The following SPPL3 variants were observed in gnomAD, a reference collection of about 807,000 sequenced individuals.
SPPL3 encodes the protein signal peptide peptidase like 3.
In SPPL3, 5 loss-of-function variants were observed where a neutral mutation model predicts 42.4. The observed-to-expected ratio is 0.12, with a 90% CI of 0.06 to 0.25. The LOEUF is 0.25. SPPL3 is among the 10% of genes least tolerant of loss of function. The pLI, the probability that SPPL3 is intolerant of heterozygous loss-of-function variation, is 1.00. For missense variants in SPPL3, 235 were observed against 489.0 expected, an observed-to-expected ratio of 0.48 and a Z score of 4.90; for synonymous variants, 195 against 181.8, an observed-to-expected ratio of 1.07 and a Z score of -0.58.
In SPPL3 at chr12:120,837,071, G is replaced by A. The variant is rs187818682; in HGVS notation, c.24-26185C>T. 5.5e-4 allele frequency among the ~76,000 whole-genome samples: 84 copies of A among 152,160 alleles called. No homozygotes were observed. In the Middle Eastern group the frequency reaches 0.014, roughly 25 times the overall value. ...GTGACATTAAGCTACTAGGTTTTGCGGTAGTCTGTTTTACAGCAATAGATA... is the reference window on the plus strand; with the variant it reads ...GTGACATTAAGCTACTAGGTTTTGCAGTAGTCTGTTTTACAGCAATAGATA... On this transcript the variant is annotated intron_variant, in intron 1 of 10. Transcript: ENST00000353487.
At chr12:120,797,373 C>T (rs1044630213) in intron 2 of SPPL3, among the ~76,000 whole-genome samples, 2 of 152,142 alleles carry the variant, frequency 1.3e-5, no homozygotes, top group Non-Finnish European at 2.9e-5. Flanking sequence ...TGAGTGGAAA[C>T]TATCTTAAGA....
intron 1 of SPPL3, among the ~76,000 whole-genome samples, chr12:120,843,994 A>G (rs1044710216): frequency 6.6e-6 from 1 of 152,152 alleles, no homozygotes; most frequent in Non-Finnish European, 1.5e-5. Context: ...AAAACAAAAC[A>G]AAACAAAACA....
intron 1 of SPPL3, among the ~76,000 whole-genome samples, chr12:120,844,776 A>T (rs591845): frequency 0.96 from 145,749 of 151,412 alleles, 70,403 homozygotes; most frequent in East Asian, 1. Context: ...CATGCCCAGC[A>T]CTCCCAACAC....
At chr12:120,874,512 A>C (rs534475410) in intron 1 of SPPL3, among the ~76,000 whole-genome samples, 28 of 152,256 alleles carry the variant, frequency 1.8e-4, no homozygotes, top group Admixed American at 7.9e-4. Context: ...GACATGTTTA[A>C]AACAAAAATA....
chr12:120,775,215 A>G (rs1010876594), intron 6 of SPPL3, among the ~76,000 whole-genome samples: 1 of 152,114 alleles, frequency 6.6e-6, no homozygotes, highest in Non-Finnish European at 1.5e-5. Flanking sequence ...CAGTGGTGCA[A>G]TCTCAGCTCA....
At chr12:120,880,866 C>A (rs1873257094) in intron 1 of SPPL3, among the ~76,000 whole-genome samples, 1 of 150,998 alleles carries the variant, frequency 6.6e-6, no homozygotes, top group Admixed American at 6.6e-5. Context: ...TACAGCTCAA[C>A]AACAATCAAC....
intron 1 of SPPL3, among the ~76,000 whole-genome samples, chr12:120,873,127 C>T (rs1237245501): frequency 6.6e-6 from 1 of 152,130 alleles, no homozygotes; most frequent in Non-Finnish European, 1.5e-5. Context: ...GTTTTTCTGA[C>T]CCAAATGGAA....
chr12:120,825,967 G>A (rs1003310025), intron 1 of SPPL3, among the ~76,000 whole-genome samples: 4 of 152,154 alleles, frequency 2.6e-5, no homozygotes, highest in Non-Finnish European at 2.9e-5. Flanking sequence ...TCTATCTCTG[G>A]TGACACACTC....
At chr12:120,796,145 G>A (rs904042496) in intron 2 of SPPL3, among the ~76,000 whole-genome samples, 1 of 152,184 alleles carries the variant, frequency 6.6e-6, no homozygotes, top group Non-Finnish European at 1.5e-5. Flanking sequence ...GGAGGCTAAG[G>A]TGGGTGGATC....
chr12:120,797,167 A>T (rs1870126490), intron 2 of SPPL3, among the ~76,000 whole-genome samples: 1 of 152,182 alleles, frequency 6.6e-6, no homozygotes, highest in Non-Finnish European at 1.5e-5. Flanking sequence ...ACTCCAACTC[A>T]AAACAAACAA....
intron 1 of SPPL3, among the ~76,000 whole-genome samples, chr12:120,839,223 T>C (rs559877619): frequency 6.0e-5 from 9 of 151,106 alleles, no homozygotes; most frequent in East Asian, 5.9e-4. Context: ...ATGGATGAAA[T>C]TGGAAATCAT....
chr12:120,774,624 T>A (rs1333953130), intron 6 of SPPL3, among the ~76,000 whole-genome samples: 3 of 152,082 alleles, frequency 2.0e-5, no homozygotes, highest in African/African-American at 7.2e-5. Flanking sequence ...GAGAAGGCTC[T>A]TAGAGGCATG....
rs536806023 is a variant in SPPL3 at position 120,829,764 on chromosome 12, G to A, written c.24-18878C>T. Among the ~76,000 whole-genome samples the A allele has an allele frequency of 2.6e-5, 4 of 152,218 alleles. No homozygotes were observed. The East Asian group carries it at 7.8e-4, about 29-fold the overall frequency. On this transcript the variant is annotated intron_variant, in intron 1 of 10. Transcript: ENST00000353487. ...AATCCCAGTACTTTGGGAGGCCGAG[G>A]TGGGCGGATCACCTGTGGACGGGAG...
Position 120,803,285 on chromosome 12 carries a change from C to A in SPPL3, c.101+7524G>T, listed in dbSNP as rs536822185. Among the ~76,000 whole-genome samples, 121 of 152,210 alleles carry A rather than the reference C, an allele frequency of 7.9e-4. 1 individual carries two copies. The highest frequency in any genetic ancestry group is 2.8e-3 in the African/African-American group (117 of 41,518). Reference sequence around the variant, plus strand: ...CACTCATACTTTTAGTTTTCTTTGGCCCCATTTTATTTTTCCTTGAAGTAA... The same window carrying A: ...CACTCATACTTTTAGTTTTCTTTGGACCCATTTTATTTTTCCTTGAAGTAA... On this transcript the variant is annotated intron_variant, in intron 2 of 10. Coordinates refer to ENST00000353487, the MANE Select transcript of SPPL3 (RefSeq NM_139015.5).
At chr12:120,855,043 C>T (rs1872405647) in intron 1 of SPPL3, among the ~76,000 whole-genome samples, 1 of 152,122 alleles carries the variant, frequency 6.6e-6, no homozygotes, top group African/African-American at 2.4e-5. Context: ...GCTTTCCTGA[C>T]CCTACTTCTA....
intron 1 of SPPL3, among the ~76,000 whole-genome samples, chr12:120,827,421 A>G (rs1216277908): frequency 6.6e-6 from 1 of 151,762 alleles, no homozygotes; most frequent in African/African-American, 2.4e-5. Context: ...GAGTTGCTAG[A>G]CTTCATACAA....
chr12:120,879,614 T>C (rs1390370326), intron 1 of SPPL3, among the ~76,000 whole-genome samples: 1 of 152,112 alleles, frequency 6.6e-6, no homozygotes, highest in Non-Finnish European at 1.5e-5. Flanking sequence ...AGGGATTTAA[T>C]ATGCAGCCTT....
At chr12:120,873,596 C>G (rs1299308187) in intron 1 of SPPL3, among the ~76,000 whole-genome samples, 1 of 152,154 alleles carries the variant, frequency 6.6e-6, no homozygotes, top group East Asian at 1.9e-4. Flanking sequence ...AAAATGAGTC[C>G]GTGCACAGTG....
intron 1 of SPPL3, among the ~76,000 whole-genome samples, chr12:120,866,267 G>A (rs1872751375): frequency 1.3e-5 from 2 of 152,110 alleles, no homozygotes; most frequent in African/African-American, 2.4e-5. Context: ...TGCCAAAAAC[G>A]TTGGAGGCCT....
Sources: gnomAD v4.1 joint callset for allele counts (sites outside exome capture counted in the v4.1 genomes callset) on GRCh38, gnomAD v4.1.1 for gene constraint, MANE v1.5 for transcripts, NCBI Gene and HGNC (gene_info 2026-07-23, HGNC 2026-07-21) for gene names.